NEB: variants seen among roughly 807,000 people sequenced by gnomAD.
NEB encodes the protein nemaline myopathy type 2.
In NEB, 512 loss-of-function variants were observed where a neutral mutation model predicts 952.2. The ratio of observed to expected loss-of-function variants is 0.54; its 90% confidence interval spans 0.50 to 0.58. NEB has a LOEUF of 0.58. Ranked by LOEUF, NEB falls within the 20% of genes least tolerant of loss-of-function variation. The pLI is 0.00. For missense variants in NEB, 8,428 were observed against 9,231.1 expected (o/e 0.91, Z 3.56); for synonymous variants, 2,900 against 3,149.8 (o/e 0.92, Z 2.66).
At chr2:151,658,987 G>A in intron 47 of NEB, 78 bp downstream of exon 47, 3 of 987,486 alleles carry the variant, frequency 3.0e-6, no homozygotes, top group Non-Finnish European at 4.9e-6. Flanking sequence ...TCATAACTGA[G>A]AGAGATATTA....
At chr2:151,734,167 G>A (rs1397709526) in intron 1 of NEB, among the ~76,000 whole-genome samples, 1 of 152,158 alleles carries the variant, frequency 6.6e-6, no homozygotes, top group African/African-American at 2.4e-5. Context: ...AGACAAGAGA[G>A]CCAATTCAGT....
intron 18 of NEB, among the ~76,000 whole-genome samples, chr2:151,695,314 A>G (rs1215164065): frequency 1.3e-5 from 2 of 152,236 alleles, no homozygotes; most frequent in Non-Finnish European, 2.9e-5. Context: ...GCAATTAAGC[A>G]TACATGAGAC....
chr2:151,496,176 T>G, intron 173 of NEB, 100 bp downstream of exon 173: 1 of 1,310,578 alleles, frequency 7.6e-7, no homozygotes, highest in Non-Finnish European at 1.1e-6. Flanking sequence ...TTCACAAAAT[T>G]TAAGTTGTCT....
chr2:151,501,448 G>T lies in NEB; in HGVS notation c.23964C>A (p.Pro7988=). 6.5e-7 allele frequency: 1 copy of T among 1,539,872 alleles called. No homozygotes were observed. The highest frequency in any genetic ancestry group is 1.2e-5 in the South Asian group (1 of 81,238). ...LYKENLSKGT[P]LPVTPEMERV... is the part of the protein sequence containing the mutation. ...GCTCCATCTCAGGAGTGACAGGTAG[G>T]GGAGTCCCCTTGCTCAAGTTCTCTT... The change falls in exon 168 of 182, where the codon CCC becomes CCA. Residue 7988 remains proline (P), a synonymous_variant. Transcript: ENST00000397345.
Position 151,682,691 on chromosome 2 carries a change from C to T in NEB, c.2914G>A (p.Ala972Thr). 6.2e-7 allele frequency: 1 copy of T among 1,613,172 alleles called. No homozygotes were observed. Among genetic ancestry groups the T allele is most frequent in the Non-Finnish European group, 8.5e-7 (1 of 1,179,460 alleles). ...VPFGSLEMEKAKRASDILNEK... is the reference protein window; with the variant it reads ...VPFGSLEMEKTKRASDILNEK... ...TTGAGGATGTCTGAAGCTCGCTTTG[C>T]CTTTTCCATTTCTAAGGACCCAAAA... Residue 972 changes from alanine (A) to threonine (T), a missense_variant, in exon 29 of 182, where the codon GCA (alanine) becomes ACA (threonine). By Grantham distance (58) the Ala-to-Thr change is moderately conservative. Around this residue, in one of 11 missense-constraint regions of NEB, gnomAD observed 2,851 missense variants for 2,791.5 expected, o/e 1.02. Transcript: ENST00000397345.
At chr2:151,556,284 G>C (rs1559885826) in intron 124 of NEB, among the ~76,000 whole-genome samples, 1 of 152,098 alleles carries the variant, frequency 6.6e-6, no homozygotes, top group Non-Finnish European at 1.5e-5. Flanking sequence ...GAACAGAATG[G>C]AAATTATCAG....
At position 151,551,790 on chromosome 2, in the gene NEB, G is replaced by T. The variant is rs1191137750; in HGVS notation, c.19892C>A (p.Thr6631Asn). 1 of 1,613,526 alleles carries T rather than the reference G, an allele frequency of 6.2e-7. No homozygotes were observed. Among genetic ancestry groups the T allele is most frequent in the Admixed American group, 1.7e-5 (1 of 59,984 alleles). ...HSVRGKVAPT[T>N]KTVDLDRALH... ...GGCCCGGTCCAGATCCACGGTTTTG[G>T]TAGTTGGAGCCACTTTGCCTCTGAC... The change falls in exon 129 of 182, where the codon ACC (threonine) becomes AAC (asparagine). Residue 6631 changes from threonine (T) to asparagine (N), a missense_variant. Physicochemically the swap from Thr to Asn is moderately conservative, Grantham distance 65. Coordinates refer to ENST00000397345, the MANE Select transcript of NEB (RefSeq NM_001164508.2).
intron 55 of NEB, among the ~76,000 whole-genome samples, chr2:151,644,901 G>A (rs75260990): frequency 3.9e-5 from 6 of 152,156 alleles, no homozygotes; most frequent in Non-Finnish European, 5.9e-5. Context: ...TGCAATCCTA[G>A]ATGGTACGGC....
rs779818222 is a variant in NEB at position 151,512,753 on chromosome 2, C to T, written c.23326G>A (p.Val7776Ile). ...CTTACCTGGCTTGAAAGATTCTTGACTTGTTGGGCATGAATGATCTCTGGA... is the reference window on the plus strand; with the variant it reads ...CTTACCTGGCTTGAAAGATTCTTGATTTGTTGGGCATGAATGATCTCTGGA... ...DTPEIIHAQQ[V>I]KNLSSQKKYK... Residue 7776 changes from valine to isoleucine, a missense_variant, in exon 161 of 182, where the codon GTC becomes ATC. This residue lies in a region of NEB where 3,374 missense variants were observed against 3,651.5 expected (regional missense o/e 0.92). Coordinates refer to ENST00000397345, the MANE Select transcript of NEB (RefSeq NM_001164508.2). The T allele has an allele frequency of 1.3e-5, 21 of 1,613,690 alleles. No individual in the cohort carries two copies. The highest frequency in any genetic ancestry group is 8.8e-5 in the South Asian group (8 of 91,038).
Position 151,643,864 on chromosome 2 carries a change from T to C in NEB, c.7910A>G (p.Gln2637Arg). The change falls in exon 57 of 182, where the codon CAG (glutamine) becomes CGG (arginine). Residue 2637 changes from glutamine to arginine, a missense_variant. Around this residue, in one of 11 missense-constraint regions of NEB, gnomAD observed 1,772 missense variants for 1,960.3 expected, o/e 0.90. Coordinates refer to ENST00000397345, the MANE Select transcript of NEB (RefSeq NM_001164508.2). Reference sequence around the variant, plus strand: ...CTGCCGAGCATGGATGACATCGCTCTGGTCGGGCAGGCATGTCCACTGGTG... The same window carrying C: ...CTGCCGAGCATGGATGACATCGCTCCGGTCGGGCAGGCATGTCCACTGGTG... ...YLHQWTCLPDQSDVIHARQAY... is the reference protein window; with the variant it reads ...YLHQWTCLPDRSDVIHARQAY... 3 of 1,614,060 alleles carry C rather than the reference T, an allele frequency of 1.9e-6. No homozygotes were observed. The highest frequency in any genetic ancestry group is 3.3e-4 in the Middle Eastern group (2 of 6,062).
intron 150 of NEB, 102 bp from the exon 151 acceptor site, chr2:151,525,375 T>G: frequency 1.2e-6 from 1 of 860,642 alleles, no homozygotes; most frequent in Non-Finnish European, 1.9e-6. Context: ...TGCTCCCCAT[T>G]TTGGCGTCAG....
At chr2:151,674,711 A>G in intron 35 of NEB, 127 bp from the exon 36 acceptor site, 1 of 680,792 alleles carries the variant, frequency 1.5e-6, no homozygotes, top group Non-Finnish European at 2.6e-6. Context: ...AGGAAATCAC[A>G]TTGGCAAAGT....
intron 133 of NEB, 112 bp downstream of exon 133, chr2:151,547,317 T>A: frequency 2.6e-6 from 2 of 775,580 alleles, no homozygotes; most frequent in South Asian, 3.4e-5. Context: ...ACTCTTTGTT[T>A]AGAAGTGCTT....
chr2:151,506,705 C>T (rs563500961), intron 163 of NEB, among the ~76,000 whole-genome samples: 3 of 152,246 alleles, frequency 2.0e-5, no homozygotes, highest in South Asian at 2.1e-4. Context: ...ATAAAAGTTA[C>T]GTTGTTAGCA....
At chr2:151,684,452 C>T (rs553797693) in intron 28 of NEB, among the ~76,000 whole-genome samples, 6 of 152,234 alleles carry the variant, frequency 3.9e-5, no homozygotes, top group African/African-American at 9.6e-5. Flanking sequence ...ATTGAGAACT[C>T]ACCAGGGCCT....
At chr2:151,494,763 C>G (rs185559101) in intron 173 of NEB, among the ~76,000 whole-genome samples, 1 of 152,332 alleles carries the variant, frequency 6.6e-6, no homozygotes, top group East Asian at 1.9e-4. Context: ...ATTCTTCTGC[C>G]TCAGCCTCCT....
chr2:151,679,489 G>A (rs2099398598), intron 32 of NEB, among the ~76,000 whole-genome samples: 1 of 152,168 alleles, frequency 6.6e-6, no homozygotes, highest in South Asian at 2.1e-4. Flanking sequence ...AACTATACAT[G>A]AGAATTTTAA....
chr2:151,531,716 G>C, intron 144 of NEB, 76 bp downstream of exon 144: 1 of 1,162,808 alleles, frequency 8.6e-7, no homozygotes, highest in Admixed American at 2.0e-5. Context: ...CAGACTTTGT[G>C]ACAATTTAAA....
chr2:151,672,644 T>C lies in NEB; in HGVS notation c.4024A>G (p.Lys1342Glu). 1.2e-6 allele frequency: 2 copies of C among 1,613,910 alleles called. No homozygotes were observed. Residue 1342 changes from lysine to glutamate, a missense_variant, in exon 37 of 182, where the codon AAG becomes GAG. By Grantham distance (56) the Lys-to-Glu change is moderately conservative. This residue lies in a region of NEB where 2,851 missense variants were observed against 2,791.5 expected (regional missense o/e 1.02). Transcript: ENST00000397345. ...TGGAGGCTTCTGAAACCCACATGCTTTCCCTTTGACTTCTCATAAGCTTCC... is the reference window on the plus strand; with the variant it reads ...TGGAGGCTTCTGAAACCCACATGCTCTCCCTTTGACTTCTCATAAGCTTCC... Reference protein sequence around the residue: ...YKEAYEKSKGKHVGFRSLQDD... With the variant: ...YKEAYEKSKGEHVGFRSLQDD...
Sources: allele counts gnomAD v4.1 joint callset (sites outside exome capture counted in the v4.1 genomes callset), GRCh38; gene constraint gnomAD v4.1.1; regional missense constraint gnomAD v4.1.1; transcripts MANE v1.5; gene names NCBI Gene and HGNC (gene_info 2026-07-23, HGNC 2026-07-21).